Variants in SH3RF1 observed in about 807,000 individuals in gnomAD.
SH3RF1 encodes the protein E3 ubiquitin-protein ligase SH3RF1.
A neutral mutation model predicts 74.0 loss-of-function variants in SH3RF1; 32 were observed. That is an observed-to-expected ratio of 0.43 (90% CI 0.33 to 0.58). The LOEUF (loss-of-function observed/expected upper bound fraction) is 0.58, where lower values mean the gene tolerates loss of function less well. Ranked by LOEUF, SH3RF1 falls within the 20% of genes least tolerant of loss-of-function variation. The probability of loss-of-function intolerance (pLI) is 0.05; values close to 1 mark genes in which losing one functional copy is unlikely to be tolerated. For missense variants in SH3RF1, 954 were observed against 1,130.9 expected (o/e 0.84, Z 2.24); for synonymous variants, 396 against 439.6 (o/e 0.90, Z 1.24).
At position 169,096,424 on chromosome 4, in the gene SH3RF1, C is replaced by T; in HGVS notation, c.*95G>A. The T allele has an allele frequency of 7.4e-7, 1 of 1,350,206 alleles. No individual in the cohort carries two copies. The highest frequency in any genetic ancestry group is 2.3e-5 in the East Asian group (1 of 43,522). 83.6% of individuals were successfully genotyped at this position (1,350,206 alleles called of 1,614,324 possible). ...TACCAATCCTTTGCTCATCTCCTGA[C>T]CATCTGGAAGTCCACAAATGTGCTC... On this transcript the variant is annotated 3_prime_UTR_variant, in exon 12 of 12. Coordinates refer to ENST00000284637, the MANE Select transcript of SH3RF1 (RefSeq NM_020870.4).
At chr4:169,223,232 C>T (rs988933989) in intron 2 of SH3RF1, among the ~76,000 whole-genome samples, 3 of 152,150 alleles carry the variant, frequency 2.0e-5, no homozygotes, top group African/African-American at 7.2e-5. Flanking sequence ...TAGTAACATG[C>T]AATGGCCACT....
intron 11 of SH3RF1, among the ~76,000 whole-genome samples, chr4:169,098,653 T>C (rs1273416803): frequency 1.3e-5 from 2 of 152,120 alleles, no homozygotes; most frequent in Admixed American, 1.3e-4. Context: ...AATTCAAACA[T>C]GAATATTCAT....
At chr4:169,107,478 A>AT (rs1733165750) in intron 10 of SH3RF1, among the ~76,000 whole-genome samples, 1 of 152,056 alleles carries the variant, frequency 6.6e-6, no homozygotes, top group Non-Finnish European at 1.5e-5. Flanking sequence ...TCTGCTATAT[A>AT]TTTTTTTGTT....
chr4:169,185,138 T>C (rs1734581819), intron 2 of SH3RF1, among the ~76,000 whole-genome samples: 1 of 152,270 alleles, frequency 6.6e-6, no homozygotes, highest in South Asian at 2.1e-4. Context: ...TTCTTTCATT[T>C]TGTTCAATCA....
chr4:169,122,324 A>T, intron 6 of SH3RF1, 58 bp from the exon 7 acceptor site: 4 of 1,509,876 alleles, frequency 2.6e-6, no homozygotes, highest in Non-Finnish European at 3.6e-6. Flanking sequence ...ACTGATTTAC[A>T]TCTTCCTATG....
intron 2 of SH3RF1, among the ~76,000 whole-genome samples, chr4:169,179,311 T>C (rs186641795): frequency 2.6e-5 from 4 of 152,304 alleles, no homozygotes; most frequent in Admixed American, 2.0e-4. Flanking sequence ...ATTTTGTCCT[T>C]AGAGCCACCA....
intron 2 of SH3RF1, among the ~76,000 whole-genome samples, chr4:169,158,194 AG>A (rs1203665710): frequency 1.3e-5 from 2 of 152,336 alleles, no homozygotes; most frequent in East Asian, 3.9e-4. Context: ...CAAAAAACAT[AG>A]GTCTCTCGTG....
chr4:169,124,659 T>C lies in SH3RF1; in HGVS notation c.1180-2393A>G, dbSNP rs548675998. 2.6e-5 allele frequency among the ~76,000 whole-genome samples: 4 copies of C among 152,324 alleles called. No homozygotes were observed. The South Asian group carries it at 8.3e-4, about 32-fold the overall frequency. Reference sequence around the variant, plus strand: ...AGCAAACAGATGAAGATCAAGAAACTCTGATTAAAATCAGATTCCTAGATG... The same window carrying C: ...AGCAAACAGATGAAGATCAAGAAACCCTGATTAAAATCAGATTCCTAGATG... On this transcript the variant is annotated intron_variant, in intron 6 of 11. Transcript: ENST00000284637.
chr4:169,096,380 C>T lies in SH3RF1; in HGVS notation c.*139G>A. On this transcript the variant is annotated 3_prime_UTR_variant, in exon 12 of 12. Transcript: ENST00000284637. ...CATTCTGCTCGCTGGGGTAACTGTG[C>T]TGGGGCATCAGAGTCACATACCAAT... 2.3e-6 allele frequency: 2 copies of T among 852,440 alleles called. No individual in the cohort carries two copies. Among genetic ancestry groups the T allele is most frequent in the East Asian group, 4.9e-5 (2 of 40,492 alleles). 52.8% of individuals were successfully genotyped at this position (852,440 alleles called of 1,614,324 possible). A position where few individuals can be genotyped will look rare whatever the true frequency, so the allele number is the denominator to read the frequency against.
intron 2 of SH3RF1, among the ~76,000 whole-genome samples, chr4:169,189,860 G>A (rs1734670366): frequency 1.3e-5 from 2 of 152,124 alleles, no homozygotes; most frequent in Admixed American, 6.5e-5. Flanking sequence ...CTTTTCAAAT[G>A]AAATTATATC....
In SH3RF1 at chr4:169,094,419, A is replaced by G. The variant is rs1446258765; in HGVS notation, c.*2100T>C. ...CTACTGTCTGCAAAAAACCAATAGA[A>G]AACCCATACATTATATTACCTAATG... On this transcript the variant is annotated 3_prime_UTR_variant, in exon 12 of 12. Coordinates refer to ENST00000284637, the MANE Select transcript of SH3RF1 (RefSeq NM_020870.4). The G allele has an allele frequency of 2.0e-5, 3 of 152,148 alleles. No individual in the cohort carries two copies. The highest frequency in any genetic ancestry group is 4.4e-5 in the Non-Finnish European group (3 of 68,034). 9.4% of individuals were successfully genotyped at this position (152,148 alleles called of 1,614,324 possible). A position where few individuals can be genotyped will look rare whatever the true frequency, so the allele number is the denominator to read the frequency against.
At chr4:169,179,918 T>C (rs1184818266) in intron 2 of SH3RF1, among the ~76,000 whole-genome samples, 2 of 152,176 alleles carry the variant, frequency 1.3e-5, no homozygotes, top group African/African-American at 4.8e-5. Flanking sequence ...GTAATCATGG[T>C]GGATGGTGTG....
chr4:169,234,084 C>A (rs1237375332), intron 2 of SH3RF1, among the ~76,000 whole-genome samples: 5 of 152,166 alleles, frequency 3.3e-5, no homozygotes, highest in Non-Finnish European at 7.3e-5. Context: ...CACCGGAACA[C>A]CCCTGAGAAA....
Position 169,138,277 on chromosome 4 carries a change from C to T in SH3RF1, c.766-1657G>A, listed in dbSNP as rs1229557138. Among the ~76,000 whole-genome samples the T allele has an allele frequency of 2.6e-5, 4 of 152,278 alleles. No individual in the cohort carries two copies. In the East Asian group the frequency reaches 7.7e-4, roughly 29 times the overall value. The stretch of plus-strand genomic sequence containing the variant: ...CTCACTGTAGAGCTCTAATAAACTG[C>T]AGTGAACCATGGAGGGGTAGGGTCC... On this transcript the variant is annotated intron_variant, in intron 4 of 11. Transcript: ENST00000284637.
rs78851888 is a variant in SH3RF1, at chr4:169,121,271, C to T, written c.1347-282G>A. ...TTTGCATAGTGTGAAAGAATTAATG[C>T]AGTTTCCAAGAGTGCCTAACTTGCT... On this transcript the variant is annotated intron_variant, in intron 7 of 11. Transcript: ENST00000284637. Among the ~76,000 whole-genome samples, 600 of 152,310 alleles carry T rather than the reference C, an allele frequency of 3.9e-3. 5 individuals are homozygous for T. The highest frequency in any genetic ancestry group is 0.014 in the African/African-American group (581 of 41,572).
Position 169,097,862 on chromosome 4 carries a change from G to A in SH3RF1, c.2499-1175C>T, listed in dbSNP as rs144502162. Among the ~76,000 whole-genome samples the A allele has an allele frequency of 5.4e-3, 829 of 152,280 alleles. 4 individuals are homozygous for A. The highest frequency in any genetic ancestry group is 8.8e-3 in the Non-Finnish European group (599 of 68,038). On this transcript the variant is annotated intron_variant, in intron 11 of 11. Transcript: ENST00000284637. ...CTTCCACTTTACTTTCTCTTGGATC[G>A]GTCACTCAGGAAAACTGGCTGCCAT...
intron 4 of SH3RF1, among the ~76,000 whole-genome samples, chr4:169,152,476 G>A (rs1733990901): frequency 6.6e-6 from 1 of 152,192 alleles, no homozygotes; most frequent in Admixed American, 6.5e-5. Context: ...GGTGGCTCAC[G>A]CTTGTAATCC....
At chr4:169,267,562 C>T (rs1304250285) in intron 2 of SH3RF1, among the ~76,000 whole-genome samples, 1 of 152,210 alleles carries the variant, frequency 6.6e-6, no homozygotes, top group Non-Finnish European at 1.5e-5. Context: ...CCAGAGTTCT[C>T]ACTATCTTTA....
At chr4:169,241,423 A>G (rs989537896) in intron 2 of SH3RF1, among the ~76,000 whole-genome samples, 3 of 152,228 alleles carry the variant, frequency 2.0e-5, no homozygotes, top group African/African-American at 7.2e-5. Flanking sequence ...AATTCTGCAT[A>G]GGATTACCTG....
Sources: allele counts gnomAD v4.1 joint callset (sites outside exome capture counted in the v4.1 genomes callset), GRCh38; gene constraint gnomAD v4.1.1; transcripts MANE v1.5; gene names NCBI Gene and HGNC (gene_info 2026-07-23, HGNC 2026-07-21).